CLN6: variants seen among roughly 807,000 people sequenced by gnomAD.
The protein encoded by CLN6 is CLN6 transmembrane ER protein, also known as ceroid-lipofuscinosis neuronal protein 6.
A neutral mutation model predicts 33.3 loss-of-function variants in CLN6; 22 were observed. That is an observed-to-expected ratio of 0.66 (90% confidence interval 0.47 to 0.94). The LOEUF is 0.94. Among genes scored for constraint, CLN6 ranks in the 40% least tolerant of loss-of-function variants. The pLI, the probability that CLN6 is intolerant of heterozygous loss-of-function variation, is 0.00. For synonymous variants in CLN6, 201 were observed against 174.6 expected (o/e 1.15, Z -1.19); for missense variants, 387 against 417.1 (o/e 0.93, Z 0.63).
At position 68,229,715 on chromosome 15, in the gene CLN6, C is replaced by G; in HGVS notation, c.-131G>C. On this transcript the variant is annotated 5_prime_UTR_variant, in exon 1 of 7. Coordinates refer to ENST00000249806, the MANE Select transcript of CLN6 (RefSeq NM_017882.3). ...GGCGGGCCGGCGAGAGCGCGCGGCC[C>G]TCGGGAGGAACAGGCGGGGCTGCGG... 4 of 604,782 alleles carry G rather than the reference C, an allele frequency of 6.6e-6. No individual in the cohort carries two copies. The highest frequency in any genetic ancestry group is 4.8e-6 in the Non-Finnish European group (2 of 418,672). 37.5% of individuals were successfully genotyped at this position (604,782 alleles called of 1,614,324 possible).
rs796052356 is a variant in CLN6 at position 68,209,636 on chromosome 15, C to T, written c.665+1G>A. 9.9e-6 allele frequency: 16 copies of T among 1,612,552 alleles called. No individual in the cohort carries two copies. Among genetic ancestry groups the T allele is most frequent in the Non-Finnish European group, 1.4e-5 (16 of 1,179,884 alleles). On this transcript the variant is annotated splice_donor_variant, in intron 6 of 6. Transcript: ENST00000249806. LOFTEE classifies it high-confidence loss of function. This position sits in a 1 kb window ranked among gnomAD's most constrained non-coding sequence, Gnocchi z 4.9. The stretch of plus-strand genomic sequence containing the variant: ...CTGCCCCCATGCTGATGTCCACTCA[C>T]CAGTAGTACAGGCCACTGGGTGCCA...
rs548885522 is a variant in CLN6 at position 68,243,670 on chromosome 15, G to A, written c.179+13020C>T. 2.5e-4 allele frequency among the ~76,000 whole-genome samples: 37 copies of A among 150,892 alleles called. No homozygotes were observed. The South Asian group carries it at 6.9e-3, about 28-fold the overall frequency. ...CTCAGGAGGCTGAGGCAGGAGTATC[G>A]CTTGAACCCAGGAGGCAGAGGTTGC... On this transcript the variant is annotated intron_variant, in intron 1 of 6. Transcript: ENST00000538696.
intron 1 of CLN6, among the ~76,000 whole-genome samples, chr15:68,225,261 GCT>G (rs1206782786): frequency 6.6e-6 from 1 of 152,108 alleles, no homozygotes; most frequent in East Asian, 1.9e-4. Flanking sequence ...ACATTATTTG[GCT>G]CTGTTGGAAC....
chr15:68,229,264 G>A (rs1017410045), intron 1 of CLN6, among the ~76,000 whole-genome samples: 1 of 152,152 alleles, frequency 6.6e-6, no homozygotes, highest in African/African-American at 2.4e-5. Flanking sequence ...TCCCACCCGA[G>A]CAACGGCGAA....
At chr15:68,214,433 C>A (rs374299276) in intron 2 of CLN6, 45 bp from the exon 3 acceptor site, 1 of 1,487,736 alleles carries the variant, frequency 6.7e-7, no homozygotes, top group Non-Finnish European at 9.4e-7. Context: ...CACAGCCCCA[C>A]GCGGCCCTCG....
At chr15:68,229,455 C>T (rs1337186766) in intron 1 of CLN6, 47 bp downstream of exon 1, 2 of 1,392,900 alleles carry the variant, frequency 1.4e-6, no homozygotes, top group African/African-American at 3.0e-5. Context: ...CCCGAGGCCC[C>T]AGCGCACAGG....
intron 1 of CLN6, among the ~76,000 whole-genome samples, chr15:68,238,509 G>GT: frequency 6.6e-6 from 1 of 152,232 alleles, no homozygotes; most frequent in African/African-American, 2.4e-5. Context: ...AAGAAACCTT[G>GT]TTTACAAAGA....
At chr15:68,253,705 G>T (rs1052372481) in intron 1 of CLN6, among the ~76,000 whole-genome samples, 12 of 152,206 alleles carry the variant, frequency 7.9e-5, no homozygotes, top group Non-Finnish European at 1.8e-4. Context: ...CACATGATGT[G>T]ATTGATGTGA....
chr15:68,207,979 GACACAC>G lies in CLN6; in HGVS notation c.*155_*160del, dbSNP rs3837692. On this transcript the variant is annotated 3_prime_UTR_variant, in exon 7 of 7. Transcript: ENST00000249806. ...ATGCACTCTGCGCACACATATACAA[GACACAC>G]ACACACACACACACGAATCCACGCA... 2.1e-3 allele frequency: 1,257 copies of G among 604,106 alleles called. No individual in the cohort carries two copies. Among genetic ancestry groups the G allele is most frequent in the Non-Finnish European group, 2.8e-3 (954 of 338,032 alleles). 37.4% of individuals were successfully genotyped at this position (604,106 alleles called of 1,614,324 possible).
chr15:68,221,502 G>A (rs1052175419), intron 1 of CLN6, among the ~76,000 whole-genome samples: 1 of 151,990 alleles, frequency 6.6e-6, no homozygotes, highest in Non-Finnish European at 1.5e-5. Flanking sequence ...GAGGTGCTGG[G>A]ATTGCAGACG....
chr15:68,218,566 C>T lies in CLN6; in HGVS notation c.168G>A (p.Trp56Ter), dbSNP rs1477757203. 6.2e-7 allele frequency: 1 copy of T among 1,613,918 alleles called. No homozygotes were observed. Residue 56 changes from tryptophan (W) to a stop codon, truncating the protein, a stop_gained, in exon 2 of 7, where the codon TGG (tryptophan) becomes TGA (stop). Coordinates refer to ENST00000249806, the MANE Select transcript of CLN6 (RefSeq NM_017882.3). LOFTEE classifies it high-confidence loss of function. ...CAATGGGACGCCCAAAGTCCAGAACCCAGTTCTGCAGTGTGAAGTAGAACC... is the reference window on the plus strand; with the variant it reads ...CAATGGGACGCCCAAAGTCCAGAACTCAGTTCTGCAGTGTGAAGTAGAACC... ...DLWFYFTLQNWVLDFGRPIAM... is the reference protein window; with the variant it reads ...DLWFYFTLQN
At chr15:68,221,615 A>C (rs957706991) in intron 1 of CLN6, among the ~76,000 whole-genome samples, 28 of 152,118 alleles carry the variant, frequency 1.8e-4, no homozygotes, top group African/African-American at 6.8e-4. Flanking sequence ...CTTGGCCTCC[A>C]AAAGTGCTAA....
chr15:68,216,394 T>C (rs2093220744), intron 2 of CLN6, among the ~76,000 whole-genome samples: 2 of 152,290 alleles, frequency 1.3e-5, no homozygotes, highest in South Asian at 4.1e-4. Context: ...CCCCAACTCT[T>C]GGCTCAATTC....
At chr15:68,235,581 AAAATAAATATATATATATATATAT>A (rs1892211503) in intron 1 of CLN6, among the ~76,000 whole-genome samples, 2 of 70,830 alleles carry the variant, frequency 2.8e-5, no homozygotes, top group South Asian at 4.0e-4. Flanking sequence ...AAAAAAAATA[AAAATAAATATATATATATATATAT>A]ATATATATAT....
intron 1 of CLN6, among the ~76,000 whole-genome samples, chr15:68,243,138 G>A (rs1331097511): frequency 6.6e-6 from 1 of 152,160 alleles, no homozygotes; most frequent in Non-Finnish European, 1.5e-5. Context: ...TTTAAACATT[G>A]TCCTAACCTA....
Position 68,229,552 on chromosome 15 carries a change from TC to T in CLN6, c.32del (p.Gly11GlufsTer22). MEATRRRQHL[G>X]ATGGPGAQLG... Reference sequence around the variant, plus strand: ...GCTGCGCGCCTGGGCCGCCCGTCGCTCCCAGGTGCTGCCGCCTCCGCGTCGC... The same window carrying T: ...GCTGCGCGCCTGGGCCGCCCGTCGCTCCAGGTGCTGCCGCCTCCGCGTCGC... On this transcript the variant is annotated frameshift_variant, in exon 1 of 7. Transcript: ENST00000249806. 1 of 1,469,044 alleles carries T rather than the reference TC, an allele frequency of 6.8e-7. No individual in the cohort carries two copies. Among genetic ancestry groups the T allele is most frequent in the Non-Finnish European group, 9.0e-7 (1 of 1,115,288 alleles). 91.0% of individuals were successfully genotyped at this position (1,469,044 alleles called of 1,614,324 possible).
Position 68,236,968 on chromosome 15 carries a change from T to C in CLN6, c.180-18318A>G, listed in dbSNP as rs944378108. 1.3e-5 allele frequency among the ~76,000 whole-genome samples: 2 copies of C among 149,920 alleles called. No individual in the cohort carries two copies. The highest frequency in any genetic ancestry group is 2.5e-5 in the African/African-American group (1 of 40,670). ...GTCAGGAGATCGAGACCATCCTGGCTAACAAGGTGAAACCCCGTCTCTACT... is the reference window on the plus strand; with the variant it reads ...GTCAGGAGATCGAGACCATCCTGGCCAACAAGGTGAAACCCCGTCTCTACT... On this transcript the variant is annotated intron_variant, in intron 1 of 6. Transcript: ENST00000538696. This position sits in a 1 kb window ranked among gnomAD's most constrained non-coding sequence, Gnocchi z 4.5.
intron 3 of CLN6, 159 bp downstream of exon 3, chr15:68,214,131 C>T (rs569041237): frequency 2.4e-5 from 15 of 634,524 alleles, no homozygotes; most frequent in Middle Eastern, 2.8e-4. Context: ...CCGCCTTCCC[C>T]GGGCCCCAGG....
rs1399309330 is a variant in CLN6 at position 68,220,239 on chromosome 15, ACAC to A, written c.84-1592_84-1590del. 6.6e-6 allele frequency among the ~76,000 whole-genome samples: 1 copy of A among 152,110 alleles called. No homozygotes were observed. The highest frequency in any genetic ancestry group is 2.4e-5 in the African/African-American group (1 of 41,406). On this transcript the variant is annotated intron_variant, in intron 1 of 6. Transcript: ENST00000249806. This position sits in a 1 kb window ranked among gnomAD's most constrained non-coding sequence, Gnocchi z 4.2. ...TCGGTATCTTCCACCCCCTCACTGA[ACAC>A]CAACTATGTGCAATGCTAGGTCTTT...
Sources: allele counts gnomAD v4.1 joint callset (sites outside exome capture counted in the v4.1 genomes callset), GRCh38; gene constraint gnomAD v4.1.1; non-coding constraint Gnocchi (gnomAD v3.1); transcripts MANE v1.5; gene names NCBI Gene and HGNC (gene_info 2026-07-23, HGNC 2026-07-21).